The following CDH12 variants were observed in gnomAD, a reference collection of about 807,000 sequenced individuals.
CDH12 encodes the protein cadherin 12, also known as cadherin-12.
Under a neutral mutation model 74.1 loss-of-function variants are expected in CDH12, and 41 were observed. The observed-to-expected ratio is 0.55, with a 90% CI of 0.43 to 0.72. The LOEUF is 0.72. Ranked by LOEUF, CDH12 falls within the 30% of genes least tolerant of loss-of-function variation. The pLI is 0.00. For missense variants in CDH12, 945 were observed against 977.2 expected (o/e 0.97, Z 0.44); for synonymous variants, 399 against 355.0 (o/e 1.12, Z -1.39).
intron 6 of CDH12, among the ~76,000 whole-genome samples, chr5:21,948,564 C>G (rs1755682624): frequency 6.6e-6 from 1 of 151,934 alleles, no homozygotes; most frequent in Admixed American, 6.6e-5. Flanking sequence ...GCTTATAGGC[C>G]AAAACGTCTT....
intron 1 of CDH12, among the ~76,000 whole-genome samples, chr5:22,676,740 T>C (rs1741212410): frequency 6.6e-6 from 1 of 152,186 alleles, no homozygotes; most frequent in Admixed American, 6.5e-5. Context: ...AGTTCTACAA[T>C]GGATAAGTGC....
chr5:21,869,626 G>T (rs372277280), intron 6 of CDH12, among the ~76,000 whole-genome samples: 12 of 152,022 alleles, frequency 7.9e-5, no homozygotes, highest in African/African-American at 2.9e-4. Context: ...TAGCATTTAA[G>T]TTATGGGACA....
At position 22,168,657 on chromosome 5, in the gene CDH12, T is replaced by G. The variant is rs1748834767; in HGVS notation, c.-187+43841A>C. ...TGTGATTTTTTACTTTTCAACTTCT[T>G]TCCATCCTGACTCTCCTTGCAGCTT... On this transcript the variant is annotated intron_variant, in intron 4 of 14. Transcript: ENST00000382254. 2.0e-5 allele frequency among the ~76,000 whole-genome samples: 3 copies of G among 152,020 alleles called. No homozygotes were observed. In the South Asian group the frequency reaches 6.2e-4, roughly 32 times the overall value.
chr5:22,670,865 T>C (rs1740866283), intron 1 of CDH12, among the ~76,000 whole-genome samples: 1 of 152,090 alleles, frequency 6.6e-6, no homozygotes, highest in African/African-American at 2.4e-5. Flanking sequence ...ATGTAATCTT[T>C]ATTTTGCATC....
chr5:22,131,350 C>A (rs1288714127), intron 4 of CDH12, among the ~76,000 whole-genome samples: 4 of 151,992 alleles, frequency 2.6e-5, no homozygotes, highest in Admixed American at 2.0e-4. Context: ...CAATTAGTTA[C>A]CTAGTTAGGC....
At chr5:21,859,434 A>G (rs1249160926) in intron 6 of CDH12, among the ~76,000 whole-genome samples, 2 of 151,886 alleles carry the variant, frequency 1.3e-5, no homozygotes, top group Non-Finnish European at 2.9e-5. Context: ...CCATGATCTG[A>G]TTACCTCCAC....
chr5:22,290,538 T>C (rs1366073252), intron 3 of CDH12, among the ~76,000 whole-genome samples: 1 of 152,124 alleles, frequency 6.6e-6, no homozygotes, highest in African/African-American at 2.4e-5. Context: ...ACAGCAGAAT[T>C]GTTCAAACAG....
chr5:22,374,108 T>C (rs1741415688), intron 3 of CDH12, among the ~76,000 whole-genome samples: 1 of 151,950 alleles, frequency 6.6e-6, no homozygotes, highest in Admixed American at 6.6e-5. Flanking sequence ...AAAGATAATA[T>C]GCCATGACAA....
At chr5:22,727,857 G>GT (rs907564970) in intron 1 of CDH12, among the ~76,000 whole-genome samples, 1 of 151,292 alleles carries the variant, frequency 6.6e-6, no homozygotes, top group African/African-American at 2.4e-5. Context: ...TCTTATGGAG[G>GT]TTTTCGTTTA....
intron 6 of CDH12, among the ~76,000 whole-genome samples, chr5:21,866,415 G>A (rs953934790): frequency 2.0e-5 from 3 of 152,156 alleles, no homozygotes; most frequent in Non-Finnish European, 2.9e-5. Flanking sequence ...TTAATGATAT[G>A]GACAATGAAA....
At chr5:21,833,702 C>A (rs1749369439) in intron 8 of CDH12, among the ~76,000 whole-genome samples, 1 of 126,314 alleles carries the variant, frequency 7.9e-6, no homozygotes, top group Admixed American at 9.8e-5. Flanking sequence ...AACCAGTGAT[C>A]TTCAGGTTTG....
intron 1 of CDH12, among the ~76,000 whole-genome samples, chr5:22,841,381 G>C (rs1200378429): frequency 6.6e-6 from 1 of 152,148 alleles, no homozygotes; most frequent in Non-Finnish European, 1.5e-5. Flanking sequence ...CGTGAAATCT[G>C]AGCATAGAAT....
chr5:21,915,822 C>CTCTGTG lies in CDH12; in HGVS notation c.526+59268_526+59269insCACAGA, dbSNP rs1554043853. ...GTACACCAGTTTCTGATCATTTGTGCTGTGTGTGTGTGTGTGTGTGTGTGT... is the reference window on the plus strand; with the variant it reads ...GTACACCAGTTTCTGATCATTTGTGCTCTGTGTGTGTGTGTGTGTGTGTGTGTGTGT... On this transcript the variant is annotated intron_variant, in intron 6 of 14. Transcript: ENST00000382254. Among the ~76,000 whole-genome samples, 612 of 140,122 alleles carry CTCTGTG rather than the reference C, an allele frequency of 4.4e-3. 6 individuals are homozygous for CTCTGTG. Among genetic ancestry groups the CTCTGTG allele is most frequent in the African/African-American group, 0.015 (571 of 37,766 alleles). 91.9% of individuals were successfully genotyped at this position (140,122 alleles called of 152,430 possible).
intron 1 of CDH12, among the ~76,000 whole-genome samples, chr5:22,703,723 A>T (rs185990431): frequency 4.7e-4 from 71 of 152,294 alleles, no homozygotes; most frequent in African/African-American, 1.5e-3. Context: ...ATGTGTCAAA[A>T]TGAGTATTGT....
intron 2 of CDH12, among the ~76,000 whole-genome samples, chr5:22,417,580 T>C (rs931148633): frequency 3.9e-5 from 6 of 152,340 alleles, no homozygotes; most frequent in Non-Finnish European, 7.3e-5. Flanking sequence ...TCTTCATTCT[T>C]ACAAATATCT....
intron 3 of CDH12, among the ~76,000 whole-genome samples, chr5:22,326,551 A>G (rs868621019): frequency 6.6e-6 from 1 of 152,150 alleles, no homozygotes; most frequent in Non-Finnish European, 1.5e-5. Flanking sequence ...TTGGCTTTAC[A>G]TCTCATGAAA....
At chr5:22,796,974 G>A (rs1432313008) in intron 1 of CDH12, among the ~76,000 whole-genome samples, 1 of 152,056 alleles carries the variant, frequency 6.6e-6, no homozygotes, top group Non-Finnish European at 1.5e-5. Context: ...ATTGCAAAGA[G>A]TTAATAATGG....
At chr5:22,443,130 T>C (rs1198486807) in intron 2 of CDH12, among the ~76,000 whole-genome samples, 1 of 152,162 alleles carries the variant, frequency 6.6e-6, no homozygotes, top group East Asian at 1.9e-4. Context: ...AGATAATGCA[T>C]ATCTACAGGA....
At chr5:22,684,870 T>C (rs1246451242) in intron 1 of CDH12, among the ~76,000 whole-genome samples, 2 of 152,158 alleles carry the variant, frequency 1.3e-5, no homozygotes, top group Non-Finnish European at 2.9e-5. Flanking sequence ...AACCTTTACT[T>C]AAATCAATAC....
Sources: allele counts gnomAD v4.1 joint callset (sites outside exome capture counted in the v4.1 genomes callset), GRCh38; gene constraint gnomAD v4.1.1; transcripts MANE v1.5; gene names NCBI Gene and HGNC (gene_info 2026-07-23, HGNC 2026-07-21).